The following ACOT7 variants were observed in gnomAD, a reference collection of about 807,000 sequenced individuals.
The protein encoded by ACOT7 is acyl-CoA thioesterase 7, also known as cytosolic acyl coenzyme A thioester hydrolase.
Under a neutral mutation model 40.2 loss-of-function variants are expected in ACOT7, and 12 were observed. The observed-to-expected ratio is 0.30, with a 90% CI of 0.19 to 0.48. The LOEUF (loss-of-function observed/expected upper bound fraction) is 0.48, where lower values mean the gene tolerates loss of function less well. ACOT7 is among the 20% of genes least tolerant of loss of function. The probability of loss-of-function intolerance (pLI) is 0.99; values close to 1 mark genes in which losing one functional copy is unlikely to be tolerated. For missense variants in ACOT7, 395 were observed against 530.8 expected, an observed-to-expected ratio of 0.74 and a Z score of 2.51; for synonymous variants, 228 against 219.5, an observed-to-expected ratio of 1.04 and a Z score of -0.34.
chr1:6,296,686 A>C (rs1361671337), intron 6 of ACOT7, among the ~76,000 whole-genome samples: 1 of 151,854 alleles, frequency 6.6e-6, no homozygotes, highest in Non-Finnish European at 1.5e-5. Context: ...GCCTCCCAAA[A>C]TGCTGGGATT....
At chr1:6,353,748 G>A (rs1008584030) in intron 1 of ACOT7, among the ~76,000 whole-genome samples, 10 of 152,244 alleles carry the variant, frequency 6.6e-5, no homozygotes, top group Non-Finnish European at 1.3e-4. Flanking sequence ...CACAGGCCTG[G>A]CCCAGTTCTG....
chr1:6,321,788 C>T (rs1445116538), intron 5 of ACOT7, among the ~76,000 whole-genome samples: 1 of 152,256 alleles, frequency 6.6e-6, no homozygotes, highest in Non-Finnish European at 1.5e-5. Context: ...AGGCGTAAGC[C>T]ACCGGGCCCA....
At position 6,306,738 on chromosome 1, in the gene ACOT7, C is replaced by T. The variant is rs532189984; in HGVS notation, c.712+11754G>A. ...CAAGAGTAGGGAACAGCTCTTCGTC[C>T]ACCTTTTTCCTTCCTTGCCCCAACA... On this transcript the variant is annotated intron_variant, in intron 6 of 8. Transcript: ENST00000361521. This position sits in a 1 kb window ranked among gnomAD's most constrained non-coding sequence, Gnocchi z 4.3. 1.8e-5 allele frequency: 23 copies of T among 1,247,598 alleles called. No homozygotes were observed. The East Asian group carries it at 7.5e-4, about 41-fold the overall frequency. 77.3% of individuals were successfully genotyped at this position (1,247,598 alleles called of 1,614,324 possible).
intron 1 of ACOT7, among the ~76,000 whole-genome samples, chr1:6,390,888 A>G (rs1158559752): frequency 6.6e-6 from 1 of 152,146 alleles, no homozygotes; most frequent in African/African-American, 2.4e-5. Flanking sequence ...GTGAGCTGAG[A>G]TCGTGCCATT....
intron 2 of ACOT7, among the ~76,000 whole-genome samples, chr1:6,341,419 C>T (rs191560748): frequency 1.4e-4 from 21 of 152,086 alleles, no homozygotes; most frequent in Non-Finnish European, 8.8e-5. Context: ...AGGCGTGAGC[C>T]ACCGTGCCCG....
intron 1 of ACOT7, among the ~76,000 whole-genome samples, chr1:6,369,181 A>G (rs149409936): frequency 5.9e-5 from 9 of 151,680 alleles, no homozygotes; most frequent in Non-Finnish European, 1.0e-4. Flanking sequence ...AGGTTTCACC[A>G]TGTTGGCCAG....
rs985165374 is a variant in ACOT7, at chr1:6,349,848, A to G, written c.162T>C (p.Asp54=). The G allele has an allele frequency of 6.2e-7, 1 of 1,614,128 alleles. No homozygotes were observed. The highest frequency in any genetic ancestry group is 1.3e-5 in the African/African-American group (1 of 75,060). The change falls in exon 2 of 9, where the codon GAT becomes GAC. Residue 54 remains aspartate (D), a synonymous_variant. Coordinates refer to ENST00000361521, the MANE Select transcript of ACOT7 (RefSeq NM_007274.4). The part of the protein sequence containing the change: ...IQICRIMRPD[D]ANVAGNVHGG... ...CGTGGACATTGCCGGCCACGTTGGC[A>G]TCATCTGGCCGCATGATCCTAGGGC...
Position 6,333,552 on chromosome 1 carries a change from G to A in ACOT7, c.435C>T (p.Thr145=), listed in dbSNP as rs781101362. Residue 145 remains threonine, a synonymous_variant, in exon 4 of 9, where the codon ACC becomes ACT. Transcript: ENST00000361521. ...GCACATACCACAGGGTGGCCTTATT[G>A]GTCAGCTTTTTGGCACCTTAAGAGA... ...ENILTGAKKL[T]NKATLWYVPL... is the part of the protein sequence containing the mutation. The A allele has an allele frequency of 6.2e-7, 1 of 1,614,194 alleles. No homozygotes were observed. The highest frequency in any genetic ancestry group is 8.5e-7 in the Non-Finnish European group (1 of 1,180,030).
At chr1:6,315,734 G>A (rs1241403512) in intron 6 of ACOT7, among the ~76,000 whole-genome samples, 4 of 134,712 alleles carry the variant, frequency 3.0e-5, no homozygotes, top group African/African-American at 5.7e-5. Flanking sequence ...CTGGGTGGGC[G>A]ACAGAGTGAG....
intron 7 of ACOT7, among the ~76,000 whole-genome samples, chr1:6,286,266 G>A (rs1415630579): frequency 6.6e-6 from 1 of 152,220 alleles, no homozygotes; most frequent in African/African-American, 2.4e-5. Flanking sequence ...ATCTCCCACT[G>A]AGCGGGCGGA....
At position 6,306,732 on chromosome 1, in the gene ACOT7, T is replaced by G. The variant is rs1640167242; in HGVS notation, c.713-11752A>C. Reference sequence around the variant, plus strand: ...GTTCCTCAAGAGTAGGGAACAGCTCTTCGTCCACCTTTTTCCTTCCTTGCC... The same window carrying G: ...GTTCCTCAAGAGTAGGGAACAGCTCGTCGTCCACCTTTTTCCTTCCTTGCC... On this transcript the variant is annotated intron_variant, in intron 6 of 8. Transcript: ENST00000361521. The surrounding 1 kb of genome is among the most constrained non-coding windows in gnomAD (Gnocchi z 4.3). The G allele has an allele frequency of 8.1e-7, 1 of 1,241,472 alleles. No individual in the cohort carries two copies. Among genetic ancestry groups the G allele is most frequent in the East Asian group, 5.8e-5 (1 of 17,378 alleles). The allele number at this position is 1,241,472 out of a possible 1,614,324, so 76.9% of individuals were successfully genotyped here.
intron 1 of ACOT7, among the ~76,000 whole-genome samples, chr1:6,372,464 T>G (rs987483369): frequency 2.0e-5 from 3 of 152,204 alleles, no homozygotes; most frequent in Admixed American, 2.0e-4. Flanking sequence ...CATTCACAAC[T>G]TGGCTAACTG....
At chr1:6,321,438 C>T (rs560372769) in intron 5 of ACOT7, among the ~76,000 whole-genome samples, 7 of 152,334 alleles carry the variant, frequency 4.6e-5, no homozygotes, top group African/African-American at 1.7e-4. Flanking sequence ...TCCCACTCCA[C>T]TCCACTCCCT....
chr1:6,265,894 AAG>A (rs768993644), intron 8 of ACOT7, among the ~76,000 whole-genome samples: 2 of 152,216 alleles, frequency 1.3e-5, no homozygotes, highest in Non-Finnish European at 2.9e-5. Flanking sequence ...GTATATTGGC[AAG>A]AGAGAGCGCA....
intron 2 of ACOT7, among the ~76,000 whole-genome samples, chr1:6,344,754 ACT>A (rs1272302961): frequency 6.2e-5 from 8 of 129,402 alleles, no homozygotes; most frequent in South Asian, 5.2e-4. Flanking sequence ...ACAGAGCAAG[ACT>A]CTGTCTCAAA....
chr1:6,327,372 A>G lies in ACOT7; in HGVS notation c.552T>C (p.Tyr184=), dbSNP rs1284840033. 2 of 1,613,980 alleles carry G rather than the reference A, an allele frequency of 1.2e-6. No individual in the cohort carries two copies. Among genetic ancestry groups the G allele is most frequent in the Admixed American group, 1.7e-5 (1 of 60,014 alleles). The change falls in exon 5 of 9, where the codon TAT becomes TAC. Residue 184 remains tyrosine (Y), a synonymous_variant. Coordinates refer to ENST00000361521, the MANE Select transcript of ACOT7 (RefSeq NM_007274.4). ...CCATGCGCTCCAGCTTCTGGGCTTC[A>G]TACCGCTTCCGGCCCTCCTCCTCCT... is the stretch of plus-strand genomic sequence containing the variant. ...QEQEEEGRKR[Y]EAQKLERMET...
intron 1 of ACOT7, among the ~76,000 whole-genome samples, chr1:6,364,712 G>A (rs2148468941): frequency 7.0e-6 from 1 of 143,604 alleles, no homozygotes; most frequent in African/African-American, 2.6e-5. Flanking sequence ...GTTGGGCGTG[G>A]TTGCGCTCAC....
At chr1:6,279,316 G>A (rs1639288273) in intron 8 of ACOT7, among the ~76,000 whole-genome samples, 1 of 152,168 alleles carries the variant, frequency 6.6e-6, no homozygotes, top group Non-Finnish European at 1.5e-5. Flanking sequence ...GGTGGGCCAG[G>A]GCAAGGCGGG....
intron 1 of ACOT7, among the ~76,000 whole-genome samples, chr1:6,368,126 C>T (rs1378944832): frequency 2.0e-5 from 3 of 152,138 alleles, no homozygotes; most frequent in African/African-American, 4.8e-5. Flanking sequence ...CCCTCTGGTC[C>T]TCGGGACTGG....
Sources: gnomAD v4.1 joint callset for allele counts (sites outside exome capture counted in the v4.1 genomes callset) on GRCh38, gnomAD v4.1.1 for gene constraint, Gnocchi (gnomAD v3.1) non-coding constraint, MANE v1.5 for transcripts, NCBI Gene and HGNC (gene_info 2026-07-23, HGNC 2026-07-21) for gene names.